Variants in NEDD4L observed in about 807,000 individuals in gnomAD.
NEDD4L encodes NEDD4 like E3 ubiquitin protein ligase.
A neutral mutation model predicts 148.9 loss-of-function variants in NEDD4L; 54 were observed. The observed-to-expected ratio is 0.36, with a 90% CI of 0.29 to 0.45. The LOEUF is 0.45. Among genes scored for constraint, NEDD4L ranks in the 20% least tolerant of loss-of-function variants. The probability of loss-of-function intolerance (pLI) is 1.00; values close to 1 mark genes in which losing one functional copy is unlikely to be tolerated. For synonymous variants in NEDD4L, 433 were observed against 440.7 expected, an observed-to-expected ratio of 0.98 and a Z score of 0.22; for missense variants, 856 against 1,233.8, an observed-to-expected ratio of 0.69 and a Z score of 4.59.
chr18:58,264,201 C>T (rs533257719), intron 5 of NEDD4L, among the ~76,000 whole-genome samples: 68 of 152,146 alleles, frequency 4.5e-4, no homozygotes, highest in African/African-American at 1.5e-3. Flanking sequence ...AATCCAGAAA[C>T]GATGTTATAC....
intron 1 of NEDD4L, among the ~76,000 whole-genome samples, chr18:58,155,236 A>G (rs75991181): frequency 0.011 from 1,669 of 148,808 alleles, 29 homozygotes; most frequent in African/African-American, 0.039. Context: ...AGCAGTACCC[A>G]CCCACATAGT....
chr18:58,206,748 G>A (rs1397920958), intron 2 of NEDD4L, among the ~76,000 whole-genome samples: 2 of 152,202 alleles, frequency 1.3e-5, no homozygotes, highest in Non-Finnish European at 2.9e-5. Flanking sequence ...GCTGGCTGAG[G>A]TTGGAGGCAT....
intron 24 of NEDD4L, among the ~76,000 whole-genome samples, chr18:58,377,727 A>C (rs1026854313): frequency 2.4e-5 from 3 of 125,408 alleles, no homozygotes; most frequent in African/African-American, 1.0e-4. Flanking sequence ...GCAACGTCTA[A>C]TTTGGTTATG....
At chr18:58,099,489 A>C (rs2084627664) in intron 1 of NEDD4L, among the ~76,000 whole-genome samples, 1 of 152,202 alleles carries the variant, frequency 6.6e-6, no homozygotes. Context: ...CATGACCCAC[A>C]TTTGTCGAAT....
At chr18:58,045,879 C>G (rs1330621639) in intron 1 of NEDD4L, 1 of 152,252 alleles carries the variant, frequency 6.6e-6, no homozygotes, top group Non-Finnish European at 1.5e-5. Context: ...TCCCTCCTTT[C>G]TTTTCAGAGG....
chr18:58,340,681 T>C (rs563118344), intron 13 of NEDD4L, among the ~76,000 whole-genome samples: 1 of 152,356 alleles, frequency 6.6e-6, no homozygotes, highest in South Asian at 2.1e-4. Flanking sequence ...CAGTTTGAAA[T>C]ACCTTTAAGC....
Position 58,396,167 on chromosome 18 carries a change from C to T in NEDD4L, c.2826C>T (p.Cys942=). The change falls in exon 31 of 31, where the codon TGC becomes TGT. Residue 942 remains cysteine (C), a splice_region_variant and synonymous_variant. Transcript: ENST00000400345. The part of the protein sequence containing the change: ...SPEKLPRAHT[C]FNRLDLPPYE... ...CCTACACTTTTTGTTCCTTTTGCAG[C>T]TTTAATCGCCTTGACTTACCTCCAT... is the stretch of plus-strand genomic sequence containing the variant. The T allele has an allele frequency of 6.2e-7, 1 of 1,610,288 alleles. No homozygotes were observed. The highest frequency in any genetic ancestry group is 8.5e-7 in the Non-Finnish European group (1 of 1,176,940).
At chr18:58,168,102 A>G (rs2037100372) in intron 2 of NEDD4L, among the ~76,000 whole-genome samples, 1 of 152,216 alleles carries the variant, frequency 6.6e-6, no homozygotes, top group Admixed American at 6.5e-5. Context: ...TATTCGTGAT[A>G]TTAATTAGAA....
At chr18:58,219,070 T>C (rs896425805) in intron 2 of NEDD4L, among the ~76,000 whole-genome samples, 1 of 152,212 alleles carries the variant, frequency 6.6e-6, no homozygotes, top group African/African-American at 2.4e-5. Context: ...AGGCTTAACA[T>C]TTTTTCATTT....
intron 2 of NEDD4L, among the ~76,000 whole-genome samples, chr18:58,238,867 A>G (rs1296072552): frequency 6.6e-6 from 1 of 152,120 alleles, no homozygotes; most frequent in Non-Finnish European, 1.5e-5. Context: ...CCTTTTTTCA[A>G]TCTTTGACAA....
rs548218775 is a variant in NEDD4L, at chr18:58,384,266, T to G, written c.2426+947T>G. On this transcript the variant is annotated intron_variant, in intron 25 of 30. Coordinates refer to ENST00000400345, the MANE Select transcript of NEDD4L (RefSeq NM_001144967.3). ...GGAAGAAACGGAGCGTGTTAGAGTC[T>G]CTACTCAGAGATCCTGGCAAGGAGT... Among the ~76,000 whole-genome samples, 7 of 152,342 alleles carry G rather than the reference T, an allele frequency of 4.6e-5. No individual in the cohort carries two copies. The South Asian group carries it at 8.3e-4, about 18-fold the overall frequency.
At chr18:58,214,800 ATTTT>A (rs60043101) in intron 2 of NEDD4L, among the ~76,000 whole-genome samples, 2 of 123,348 alleles carry the variant, frequency 1.6e-5, no homozygotes, top group African/African-American at 6.0e-5. Flanking sequence ...TCTTTCTTTC[ATTTT>A]TTTTTTTTTT....
chr18:58,150,737 C>G (rs928204796), intron 1 of NEDD4L, among the ~76,000 whole-genome samples: 2 of 152,136 alleles, frequency 1.3e-5, no homozygotes, highest in African/African-American at 4.8e-5. Context: ...GTGACTGACC[C>G]CTTTGTGAGC....
chr18:58,234,121 C>CTTT (rs1555753563), intron 2 of NEDD4L, among the ~76,000 whole-genome samples: 3 of 27,922 alleles, frequency 1.1e-4, no homozygotes, highest in African/African-American at 2.9e-4. Flanking sequence ...CTTTTCTTTT[C>CTTT]CTTCTTTTTT....
intron 1 of NEDD4L, among the ~76,000 whole-genome samples, chr18:58,135,039 G>T (rs1465585326): frequency 6.6e-6 from 1 of 151,034 alleles, no homozygotes. Context: ...ACCCTTTAGT[G>T]CCTCAAATCA....
At chr18:58,234,045 T>TTTTCTTTCCTTCTTTCTTTC (rs1555753183) in intron 2 of NEDD4L, among the ~76,000 whole-genome samples, 12 of 117,970 alleles carry the variant, frequency 1.0e-4, no homozygotes, top group East Asian at 2.6e-4. Context: ...ATTTCTTTCC[T>TTTTCTTTCCTTCTTTCTTTC]TTTCTTTCTT....
chr18:58,155,326 A>AC (rs2035344917), intron 1 of NEDD4L, among the ~76,000 whole-genome samples: 1 of 152,074 alleles, frequency 6.6e-6, no homozygotes, highest in Admixed American at 6.5e-5. Flanking sequence ...AAAAAAAAAA[A>AC]AAACGCTCCA....
chr18:58,053,953 T>A (rs2081988739), intron 1 of NEDD4L, among the ~76,000 whole-genome samples: 1 of 152,248 alleles, frequency 6.6e-6, no homozygotes, highest in South Asian at 2.1e-4. Flanking sequence ...GAGTGTTGGA[T>A]GTCACTAATG....
chr18:58,333,436 C>T (rs1013273091), intron 11 of NEDD4L, among the ~76,000 whole-genome samples: 4 of 152,084 alleles, frequency 2.6e-5, no homozygotes, highest in African/African-American at 7.2e-5. Flanking sequence ...CTATTTCTTC[C>T]GTCTATTCAC....
Sources: allele counts gnomAD v4.1 joint callset (sites outside exome capture counted in the v4.1 genomes callset), GRCh38; gene constraint gnomAD v4.1.1; transcripts MANE v1.5; gene names NCBI Gene and HGNC (gene_info 2026-07-23, HGNC 2026-07-21).